OVCH2: variants seen among roughly 807,000 people sequenced by gnomAD.
The protein encoded by OVCH2 is ovochymase 2.
In OVCH2, 88 loss-of-function variants were observed where a neutral mutation model predicts 73.7. The ratio of observed to expected loss-of-function variants is 1.19; its 90% CI spans 1.01 to 1.43. The LOEUF is 1.43. OVCH2 is among the 40% of genes most tolerant of loss of function. OVCH2 has a pLI of 0.00. For missense variants in OVCH2, 706 were observed against 674.5 expected (o/e 1.05, Z -0.52); for synonymous variants, 265 against 234.5 (o/e 1.13, Z -1.19).
chr11:7,684,489 C>T (rs11041532), downstream of OVCH2, among the ~76,000 whole-genome samples: 244 of 122,428 alleles, frequency 2.0e-3, no homozygotes, highest in Middle Eastern at 0.019. Flanking sequence ...TATATATATA[C>T]ACACACATAC....
At chr11:7,695,910 C>T (rs1386923837) in intron 10 of OVCH2, among the ~76,000 whole-genome samples, 200 bp from the exon 11 acceptor site, 2 of 152,150 alleles carry the variant, frequency 1.3e-5, no homozygotes, top group Non-Finnish European at 2.9e-5. Context: ...TATTTGGTAG[C>T]ATTTCTGGCC....
At chr11:7,691,520 A>G (rs1856221264) in intron 13 of OVCH2, 120 bp from the exon 14 acceptor site, 2 of 1,313,082 alleles carry the variant, frequency 1.5e-6, no homozygotes, top group East Asian at 5.0e-5. Flanking sequence ...CGCTTTTCAC[A>G]ATTCATTTTC....
At chr11:7,702,108 T>G in intron 4 of OVCH2, 49 bp downstream of exon 4, 1 of 1,483,022 alleles carries the variant, frequency 6.7e-7, no homozygotes, top group African/African-American at 1.4e-5. Context: ...GGCACAGAGG[T>G]TATAGAGAAC....
In OVCH2 at chr11:7,693,629, C is replaced by T. The variant is rs762364946; in HGVS notation, c.1413+1429G>A. On this transcript the variant is annotated intron_variant, in intron 12 of 15. Coordinates refer to ENST00000533663, the MANE Select transcript of OVCH2 (RefSeq NM_198185.7). ...TGCTCACAACCTAAATTTTATCCTC[C>T]ACCACTAACAAATTTTCCTTAATTC... Among the ~76,000 whole-genome samples, 5 of 152,342 alleles carry T rather than the reference C, an allele frequency of 3.3e-5. No homozygotes were observed. The East Asian group carries it at 7.7e-4, about 24-fold the overall frequency.
At chr11:7,701,692 G>A (rs768790457) in intron 5 of OVCH2, 24 bp downstream of exon 5, 4 of 1,599,314 alleles carry the variant, frequency 2.5e-6, no homozygotes, top group Non-Finnish European at 3.4e-6. Context: ...CTCTGCTTAA[G>A]AGGAATGGCA....
At chr11:7,695,233 A>G (rs1171370782) in intron 11 of OVCH2, 45 bp from the exon 12 acceptor site, 2 of 1,517,732 alleles carry the variant, frequency 1.3e-6, no homozygotes, top group South Asian at 1.3e-5. Context: ...CATTCAAATA[A>G]AGAAGAATTC....
chr11:7,686,445 G>A (rs574293420), downstream of OVCH2, among the ~76,000 whole-genome samples: 1 of 152,202 alleles, frequency 6.6e-6, no homozygotes, highest in Non-Finnish European at 1.5e-5. Flanking sequence ...AGTAATTATC[G>A]CTTAATGTAT....
chr11:7,703,764 T>C lies in OVCH2; in HGVS notation c.224A>G (p.His75Arg). 6.2e-7 allele frequency: 1 copy of C among 1,609,590 alleles called. No individual in the cohort carries two copies. The highest frequency in any genetic ancestry group is 8.5e-7 in the Non-Finnish European group (1 of 1,177,920). ...WQVSLKQRQKHICGGSIVSPQ... is the reference protein window; with the variant it reads ...WQVSLKQRQKRICGGSIVSPQ... ...TGAGACGATGCTTCCTCCACAAATA[T>C]GCTTCTGCCTTTGTTTCAGAGATAC... The change falls in exon 3 of 16, where the codon CAT becomes CGT. Residue 75 changes from histidine (H) to arginine (R), a missense_variant. By Grantham distance (29) the His-to-Arg change is conservative (BLOSUM62 0). Coordinates refer to ENST00000533663, the MANE Select transcript of OVCH2 (RefSeq NM_198185.7).
At chr11:7,699,278 A>G (rs191875974) in intron 7 of OVCH2, 8 of 156,348 alleles carry the variant, frequency 5.1e-5, no homozygotes, top group Non-Finnish European at 9.9e-5. Flanking sequence ...GGAGGAGGCA[A>G]AGAAGTTGCA....
downstream of OVCH2, among the ~76,000 whole-genome samples, chr11:7,685,956 G>A (rs190126819): frequency 7.9e-5 from 12 of 152,228 alleles, no homozygotes; most frequent in East Asian, 2.3e-3. Context: ...CCAAAGGCCA[G>A]GTTGTCATTG....
chr11:7,682,920 C>A, the OVCH2 span, among the ~76,000 whole-genome samples: 1 of 152,252 alleles, frequency 6.6e-6, no homozygotes, highest in Admixed American at 6.5e-5. Flanking sequence ...CTCCAAAAAG[C>A]TTTTACTCTC....
intron 15 of OVCH2, 88 bp downstream of exon 15, chr11:7,689,836 A>G (rs1856185402): frequency 2.5e-6 from 2 of 802,266 alleles, no homozygotes. Context: ...TTTTGGAGGA[A>G]GATGGAATTA....
At chr11:7,705,697 G>A (rs1021859783) in intron 1 of OVCH2, 5 of 152,158 alleles carry the variant, frequency 3.3e-5, no homozygotes, top group African/African-American at 9.7e-5. Context: ...GATGACATTG[G>A]AACAAAAGCT....
chr11:7,694,992 C>CATGG lies in OVCH2; in HGVS notation c.1413+62_1413+65dup. On this transcript the variant is annotated intron_variant, in intron 12 of 15. Transcript: ENST00000533663. ...ATAAATCAGATAAAACCTCTGACCT[C>CATGG]ATGGTGCTTATGTTAGCTATTCTGT... 7 of 1,500,684 alleles carry CATGG rather than the reference C, an allele frequency of 4.7e-6. No individual in the cohort carries two copies. The South Asian group carries it at 7.6e-5, about 16-fold the overall frequency. The allele number at this position is 1,500,684 out of a possible 1,614,324, so 93.0% of individuals were successfully genotyped here.
chr11:7,682,729 A>C, the OVCH2 span, among the ~76,000 whole-genome samples: 2 of 152,196 alleles, frequency 1.3e-5, no homozygotes, highest in African/African-American at 4.8e-5. Flanking sequence ...AATTCCTATT[A>C]ATAGACATAT....
At chr11:7,679,460 G>T in the OVCH2 span, among the ~76,000 whole-genome samples, 1 of 152,138 alleles carries the variant, frequency 6.6e-6, no homozygotes, top group Non-Finnish European at 1.5e-5. Context: ...TTGGTGATTG[G>T]ATTGGGGGGC....
At chr11:7,691,497 T>C (rs1856220835) in intron 13 of OVCH2, 97 bp from the exon 14 acceptor site, 1 of 1,428,972 alleles carries the variant, frequency 7.0e-7, no homozygotes, top group Admixed American at 2.6e-5. Flanking sequence ...CTTCAGGTAA[T>C]TGTTGAGAAA....
Position 7,696,647 on chromosome 11 carries a change from C to T in OVCH2, c.1017-58G>A, listed in dbSNP as rs1856340294. The T allele has an allele frequency of 8.1e-6, 13 of 1,613,818 alleles. No individual in the cohort carries two copies. The South Asian group carries it at 1.3e-4, about 16-fold the overall frequency. ...TAGACAGAAAACGACTATCACAGTCCAATTGGTGGGCCCAGACCGGAGGTG... is the reference window on the plus strand; with the variant it reads ...TAGACAGAAAACGACTATCACAGTCTAATTGGTGGGCCCAGACCGGAGGTG... On this transcript the variant is annotated intron_variant, in intron 9 of 15. Coordinates refer to ENST00000533663, the MANE Select transcript of OVCH2 (RefSeq NM_198185.7).
At position 7,696,743 on chromosome 11, in the gene OVCH2, G is replaced by T; in HGVS notation, c.982C>A (p.Pro328Thr). The change falls in exon 9 of 16, where the codon CCA becomes ACA. Residue 328 changes from proline to threonine, a missense_variant. Coordinates refer to ENST00000533663, the MANE Select transcript of OVCH2 (RefSeq NM_198185.7). ...TCATAATATAGGTGGAGGCTTTCTG[G>T]GAAGTGCAGCTTCCCCTCAGCCCCG... ...VSGAEGKLHFPESLHLYYESK... is the reference protein window; with the variant it reads ...VSGAEGKLHFTESLHLYYESK... 6.2e-7 allele frequency: 1 copy of T among 1,613,280 alleles called. No homozygotes were observed. Among genetic ancestry groups the T allele is most frequent in the South Asian group, 1.1e-5 (1 of 90,884 alleles).
Sources: gnomAD v4.1 joint callset for allele counts (sites outside exome capture counted in the v4.1 genomes callset) on GRCh38, gnomAD v4.1.1 for gene constraint, MANE v1.5 for transcripts, NCBI Gene and HGNC (gene_info 2026-07-23, HGNC 2026-07-21) for gene names.